The following LRRC3B variants were observed in gnomAD, a reference collection of about 807,000 sequenced individuals.
The protein encoded by LRRC3B is leucine-rich repeat-containing protein 3B.
A neutral mutation model predicts 12.8 loss-of-function variants in LRRC3B; 2 were observed. That is an observed-to-expected ratio of 0.16 (90% confidence interval 0.06 to 0.49). The LOEUF is 0.49. Ranked by LOEUF, LRRC3B falls within the 20% of genes least tolerant of loss-of-function variation. LRRC3B has a pLI of 0.96. For missense variants in LRRC3B, 189 were observed against 319.4 expected, an observed-to-expected ratio of 0.59 and a Z score of 3.11; for synonymous variants, 132 against 122.0, an observed-to-expected ratio of 1.08 and a Z score of -0.54.
chr3:26,632,718 G>C (rs867085664), intron 1 of LRRC3B, among the ~76,000 whole-genome samples: 1 of 152,088 alleles, frequency 6.6e-6, no homozygotes, highest in Admixed American at 6.6e-5. Flanking sequence ...GGAAATCTTA[G>C]AGGCCTTCCA....
At chr3:26,650,100 C>G (rs1429799036) in intron 1 of LRRC3B, among the ~76,000 whole-genome samples, 1 of 152,266 alleles carries the variant, frequency 6.6e-6, no homozygotes, top group Admixed American at 6.5e-5. Context: ...TATGTTTTCT[C>G]TCTCAAACTT....
At chr3:26,701,999 G>A (rs1438130791) in intron 1 of LRRC3B, among the ~76,000 whole-genome samples, 1 of 152,106 alleles carries the variant, frequency 6.6e-6, no homozygotes, top group East Asian at 1.9e-4. Flanking sequence ...TGTAATAAAT[G>A]CCAAGCAAAT....
At chr3:26,668,609 G>T (rs1699656962) in intron 1 of LRRC3B, among the ~76,000 whole-genome samples, 1 of 152,176 alleles carries the variant, frequency 6.6e-6, no homozygotes, top group Non-Finnish European at 1.5e-5. Context: ...ACAAAGGACT[G>T]CTAAAGCCTT....
At position 26,689,714 on chromosome 3, in the gene LRRC3B, T is replaced by C. The variant is rs77527279; in HGVS notation, c.-160-19799T>C. 1.8e-3 allele frequency among the ~76,000 whole-genome samples: 274 copies of C among 152,298 alleles called. 1 individual carries two copies. The highest frequency in any genetic ancestry group is 5.9e-3 in the African/African-American group (247 of 41,576). On this transcript the variant is annotated intron_variant, in intron 1 of 1. Coordinates refer to ENST00000396641, the Ensembl canonical transcript of LRRC3B. The stretch of plus-strand genomic sequence containing the variant: ...CCCACCCCCAGGACTTTTAGGTTCT[T>C]GAGAGGCTCCCATCATCTTTTAGCC...
At chr3:26,631,568 G>C (rs1410377864) in intron 1 of LRRC3B, among the ~76,000 whole-genome samples, 2 of 152,158 alleles carry the variant, frequency 1.3e-5, no homozygotes, top group African/African-American at 4.8e-5. Context: ...ATGTTATCCA[G>C]TGTTGGGAGA....
rs542029749 is a variant in LRRC3B at position 26,692,261 on chromosome 3, T to C, written c.-160-17252T>C. Among the ~76,000 whole-genome samples, 10 of 152,348 alleles carry C rather than the reference T, an allele frequency of 6.6e-5. No individual in the cohort carries two copies. In the South Asian group the frequency reaches 2.1e-3, roughly 32 times the overall value. ...GAAACTGAGTAAGGCAAGGTTAATA[T>C]GGAAACTTGGGTTTAGACTCAGATA... On this transcript the variant is annotated intron_variant, in intron 1 of 1. Transcript: ENST00000396641.
intron 1 of LRRC3B, among the ~76,000 whole-genome samples, chr3:26,655,450 C>T (rs549333497): frequency 4.3e-4 from 65 of 152,302 alleles, no homozygotes; most frequent in African/African-American, 1.4e-3. Context: ...AAGCCAAACT[C>T]GAGCCTTCCT....
intron 1 of LRRC3B, among the ~76,000 whole-genome samples, chr3:26,684,272 T>C (rs1700028640): frequency 6.6e-6 from 1 of 152,258 alleles, no homozygotes; most frequent in Non-Finnish European, 1.5e-5. Flanking sequence ...TGGTTCCCAC[T>C]GAAATTAAGT....
chr3:26,675,613 GTTAATTGGAA>G (rs1699840940), intron 1 of LRRC3B, among the ~76,000 whole-genome samples: 1 of 152,136 alleles, frequency 6.6e-6, no homozygotes, highest in Admixed American at 6.6e-5. Context: ...TAAAAAATAA[GTTAATTGGAA>G]TAACCAACTG....
chr3:26,685,884 G>C (rs1700077817), intron 1 of LRRC3B, among the ~76,000 whole-genome samples: 1 of 152,050 alleles, frequency 6.6e-6, no homozygotes, highest in East Asian at 1.9e-4. Flanking sequence ...GCTTAGTCCA[G>C]TCTCTCAGTT....
At chr3:26,702,795 G>T (rs1700489678) in intron 1 of LRRC3B, among the ~76,000 whole-genome samples, 1 of 152,100 alleles carries the variant, frequency 6.6e-6, no homozygotes. Context: ...TAGGAAAGAG[G>T]CCATGAGAAT....
At chr3:26,644,548 A>C (rs1699102251) in intron 1 of LRRC3B, among the ~76,000 whole-genome samples, 1 of 152,258 alleles carries the variant, frequency 6.6e-6, no homozygotes, top group South Asian at 2.1e-4. Context: ...TGTCAGTGTC[A>C]TAAAGGACAG....
chr3:26,624,519 G>A (rs1365122076), intron 1 of LRRC3B: 1 of 152,870 alleles, frequency 6.5e-6, no homozygotes, highest in Admixed American at 6.5e-5. Context: ...GGTCCAAAGT[G>A]GTTGGAGGAG....
intron 1 of LRRC3B, among the ~76,000 whole-genome samples, chr3:26,705,290 T>C (rs1700558739): frequency 1.3e-5 from 2 of 152,038 alleles, no homozygotes; most frequent in African/African-American, 4.8e-5. Context: ...AATATGAGTC[T>C]GGATAAAGTA....
intron 1 of LRRC3B, among the ~76,000 whole-genome samples, chr3:26,661,656 C>A (rs753582964): frequency 6.6e-5 from 10 of 152,022 alleles, no homozygotes; most frequent in African/African-American, 1.2e-4. Flanking sequence ...TTATGTCTTC[C>A]CCATTCTTTC....
intron 1 of LRRC3B, among the ~76,000 whole-genome samples, chr3:26,688,564 C>A (rs2125447264): frequency 6.6e-6 from 1 of 152,224 alleles, no homozygotes; most frequent in African/African-American, 2.4e-5. Flanking sequence ...TGGCACAAAG[C>A]AAAGGGGAAT....
chr3:26,670,623 G>T lies in LRRC3B; in HGVS notation c.-160-38890G>T, dbSNP rs1166331053. ...AGGGTTTTATTAAGCTGGAGGCAAA[G>T]AAACATTTGTTTCATTATTGTGGAA... On this transcript the variant is annotated intron_variant, in intron 1 of 1. Transcript: ENST00000396641. 2.0e-5 allele frequency among the ~76,000 whole-genome samples: 3 copies of T among 150,846 alleles called. No individual in the cohort carries two copies. The East Asian group carries it at 5.8e-4, about 29-fold the overall frequency.
chr3:26,644,037 A>T (rs1011882041), intron 1 of LRRC3B, among the ~76,000 whole-genome samples: 2 of 152,228 alleles, frequency 1.3e-5, no homozygotes, highest in Admixed American at 6.5e-5. Context: ...GATGTGTACG[A>T]ATTATTTTTT....
At chr3:26,650,602 A>G (rs146775857) in intron 1 of LRRC3B, among the ~76,000 whole-genome samples, 106 of 152,276 alleles carry the variant, frequency 7.0e-4, no homozygotes, top group South Asian at 6.2e-4. Flanking sequence ...TTCACCAAAC[A>G]CTAGCATTTC....
Sources: gnomAD v4.1 joint callset for allele counts (sites outside exome capture counted in the v4.1 genomes callset) on GRCh38, gnomAD v4.1.1 for gene constraint, MANE v1.5 for transcripts, NCBI Gene and HGNC (gene_info 2026-07-23, HGNC 2026-07-21) for gene names.